The following RAET1E variants were observed in gnomAD, a reference collection of about 807,000 sequenced individuals.
The protein encoded by RAET1E is retinoic acid early transcript 1E.
Under a neutral mutation model 21.1 loss-of-function variants are expected in RAET1E, and 27 were observed. That is an observed-to-expected ratio of 1.28 (90% confidence interval 0.94 to 1.76). The LOEUF is 1.76. Ranked by LOEUF, RAET1E falls within the 40% of genes most tolerant of loss-of-function variation. The probability of loss-of-function intolerance (pLI) is 0.00; values close to 1 mark genes in which losing one functional copy is unlikely to be tolerated. For synonymous variants in RAET1E, 113 were observed against 115.0 expected (o/e 0.98, Z 0.11); for missense variants, 310 against 311.3 (o/e 1.00, Z 0.03).
Position 149,888,138 on chromosome 6 carries a change from C to T in RAET1E, c.*360G>A, listed in dbSNP as rs1342069993. On this transcript the variant is annotated 3_prime_UTR_variant, in exon 6 of 6. Transcript: ENST00000357183. ...TGTTATCTGGGAGTAAATGCTGCAGCCACAAGCGCCACCAGCAAGTCTTCT... is the reference window on the plus strand; with the variant it reads ...TGTTATCTGGGAGTAAATGCTGCAGTCACAAGCGCCACCAGCAAGTCTTCT... The T allele has an allele frequency of 3.8e-6, 2 of 530,028 alleles. No individual in the cohort carries two copies. Among genetic ancestry groups the T allele is most frequent in the South Asian group, 1.5e-5 (1 of 68,032 alleles). 32.8% of individuals were successfully genotyped at this position (530,028 alleles called of 1,614,324 possible).
At chr6:149,891,862 A>T (rs1777915469) in intron 2 of RAET1E, among the ~76,000 whole-genome samples, 1 of 152,038 alleles carries the variant, frequency 6.6e-6, no homozygotes, top group South Asian at 2.1e-4. Flanking sequence ...ATTTCTCCTA[A>T]TGTTACCCCT....
intron 5 of RAET1E, chr6:149,888,984 GAAGGTGGGGAAGGCTTCCT>G (rs1777751711): frequency 2.2e-6 from 2 of 891,178 alleles, no homozygotes; most frequent in East Asian, 6.7e-5. Context: ...TCTGTGTGGG[GAAGGTGGGGAAGGCTTCCT>G]AAGAAGTGGC....
intron 2 of RAET1E, among the ~76,000 whole-genome samples, chr6:149,891,925 G>A (rs979116489): frequency 6.6e-6 from 1 of 152,030 alleles, no homozygotes; most frequent in African/African-American, 2.4e-5. Context: ...TCCCCTCCCT[G>A]TGTCCATGTG....
In RAET1E at chr6:149,884,335, G is replaced by T; in HGVS notation, c.*4163C>A. The T allele has an allele frequency of 1.4e-6, 1 of 698,648 alleles. No individual in the cohort carries two copies. Among genetic ancestry groups the T allele is most frequent in the Non-Finnish European group, 2.4e-6 (1 of 417,344 alleles). 43.3% of individuals were successfully genotyped at this position (698,648 alleles called of 1,614,324 possible). The stretch of plus-strand genomic sequence containing the variant: ...TTTTTTTTTTTTGAGACGGAGTCTT[G>T]CTCTGTTGCCAAGACTGGAATGCAG... On this transcript the variant is annotated 3_prime_UTR_variant, in exon 6 of 6. Coordinates refer to ENST00000357183, the MANE Select transcript of RAET1E (RefSeq NM_001394057.1).
chr6:149,888,667 A>T lies in RAET1E; in HGVS notation c.623T>A (p.Val208Glu). The change falls in exon 6 of 6, where the codon GTG becomes GAG. Residue 208 changes from valine to glutamate, a missense_variant and splice_region_variant. Transcript: ENST00000357183. ...GHWEAMPEPT[V>E]SPVNASDIHW... ...GATATCTGAAGCATTTACTGGTGAC[A>T]CTAAAAAAAAAAAAAAAAAGAAAAA... 4 of 1,478,036 alleles carry T rather than the reference A, an allele frequency of 2.7e-6. No homozygotes were observed. The highest frequency in any genetic ancestry group is 3.5e-6 in the Non-Finnish European group (4 of 1,136,960). The allele number at this position is 1,478,036 out of a possible 1,614,324, so 91.6% of individuals were successfully genotyped here.
Position 149,888,547 on chromosome 6 carries a change from C to G in RAET1E, c.743G>C (p.Trp248Ser). ...LMGIVLICVW[W>S]QNGEWQAGLW... The stretch of plus-strand genomic sequence containing the variant: ...ACCAGCCTGCCACTCACCATTTTGC[C>G]ACCAGACACAGATGAGAACAATTCC... Residue 248 changes from tryptophan to serine, a missense_variant, in exon 6 of 6, where the codon TGG becomes TCG. Transcript: ENST00000357183. 3.1e-6 allele frequency: 5 copies of G among 1,613,832 alleles called. No individual in the cohort carries two copies. Among genetic ancestry groups the G allele is most frequent in the African/African-American group, 1.3e-5 (1 of 74,912 alleles).
chr6:149,896,420 A>T (rs1778115357), intron 1 of RAET1E, among the ~76,000 whole-genome samples: 1 of 152,114 alleles, frequency 6.6e-6, no homozygotes, highest in Non-Finnish European at 1.5e-5. Context: ...CATGTCCCCT[A>T]TGTGGTTCTC....
In RAET1E at chr6:149,883,567, C is replaced by T. The variant is rs1194089275; in HGVS notation, c.*4931G>A. The T allele has an allele frequency of 1.3e-5, 2 of 152,342 alleles. No individual in the cohort carries two copies. The highest frequency in any genetic ancestry group is 1.9e-4 in the East Asian group (1 of 5,168). The allele number at this position is 152,342 out of a possible 1,614,324, so 9.4% of individuals were successfully genotyped here. On this transcript the variant is annotated 3_prime_UTR_variant, in exon 6 of 6. Transcript: ENST00000357183. ...CAAAAATTAGCCGGGCGTGGTGGCT[C>T]ATGCCTGTAATCCCAGCTACTCAGG...
In RAET1E at chr6:149,889,868, C is replaced by T. The variant is rs1406404839; in HGVS notation, c.346+17G>A. ...CTTACTGCCTGCCTCTGTTTGCCCA[C>T]CCCATTCCACACTTACCACTGGTCT... On this transcript the variant is annotated intron_variant, in intron 4 of 5. Transcript: ENST00000357183. The T allele has an allele frequency of 1.2e-6, 2 of 1,609,358 alleles. No homozygotes were observed. The highest frequency in any genetic ancestry group is 1.7e-5 in the Admixed American group (1 of 59,886).
intron 5 of RAET1E, 56 bp downstream of exon 5, chr6:149,889,292 G>T (rs746900167): frequency 1.8e-5 from 29 of 1,597,898 alleles, no homozygotes; most frequent in Admixed American, 6.8e-5. Flanking sequence ...ACCCACACAG[G>T]GAAGGCTTTT....
Position 149,890,898 on chromosome 6 carries a change from G to T in RAET1E, c.4C>A (p.Arg2=). 1 of 1,607,604 alleles carries T rather than the reference G, an allele frequency of 6.2e-7. No individual in the cohort carries two copies. The change falls in exon 3 of 6, where the codon CGA becomes AGA. Residue 2 remains arginine, a synonymous_variant. Transcript: ENST00000357183. ...GGGCTAGAAGTCAGGGATATTCTTC[G>T]CATACTGTGGAGAGTAACAGGCAGG... M[R]RISLTSSPVR...
chr6:149,885,758 A>T lies in RAET1E; in HGVS notation c.*2740T>A, dbSNP rs1582758994. The stretch of plus-strand genomic sequence containing the variant: ...GTGCAGGTTCTTGTCCAAGCTCCAT[A>T]CCCAGGAGATGACCCTTACCTCCGC... On this transcript the variant is annotated 3_prime_UTR_variant, in exon 6 of 6. Coordinates refer to ENST00000357183, the MANE Select transcript of RAET1E (RefSeq NM_001394057.1). 6.6e-6 allele frequency: 1 copy of T among 152,338 alleles called. No homozygotes were observed. The highest frequency in any genetic ancestry group is 2.1e-4 in the South Asian group (1 of 4,826). The allele number at this position is 152,338 out of a possible 1,614,324, so 9.4% of individuals were successfully genotyped here. A position where few individuals can be genotyped will look rare whatever the true frequency, so the allele number is the denominator to read the frequency against.
In RAET1E at chr6:149,884,603, A is replaced by C; in HGVS notation, c.*3895T>G. ...AGGACTCAGATCCCACCTCTCTCTC[A>C]GGGAGAGATCAGCCGCTATTGTTCA... On this transcript the variant is annotated 3_prime_UTR_variant, in exon 6 of 6. Coordinates refer to ENST00000357183, the MANE Select transcript of RAET1E (RefSeq NM_001394057.1). 3 of 1,031,494 alleles carry C rather than the reference A, an allele frequency of 2.9e-6. No homozygotes were observed. The highest frequency in any genetic ancestry group is 4.3e-6 in the Non-Finnish European group (3 of 689,984). The allele number at this position is 1,031,494 out of a possible 1,614,324, so 63.9% of individuals were successfully genotyped here. A position where few individuals can be genotyped will look rare whatever the true frequency, so the allele number is the denominator to read the frequency against.
At chr6:149,895,480 T>C (rs2114597473) in intron 2 of RAET1E, 1 of 152,370 alleles carries the variant, frequency 6.6e-6, no homozygotes, top group East Asian at 1.9e-4. Context: ...AGCAGTTTTG[T>C]TTACACTGTG....
intron 2 of RAET1E, among the ~76,000 whole-genome samples, chr6:149,891,542 CAG>C (rs928773650): frequency 6.6e-5 from 10 of 151,770 alleles, no homozygotes; most frequent in African/African-American, 1.9e-4. Flanking sequence ...TCAATAAACA[CAG>C]AGTGTCTACT....
At chr6:149,894,609 G>GT (rs1321886829) in intron 2 of RAET1E, among the ~76,000 whole-genome samples, 1 of 152,012 alleles carries the variant, frequency 6.6e-6, no homozygotes, top group Non-Finnish European at 1.5e-5. Flanking sequence ...TTCTCATGCT[G>GT]TTTTTTAGCT....
intron 2 of RAET1E, among the ~76,000 whole-genome samples, chr6:149,891,465 C>T (rs895453267): frequency 6.8e-6 from 1 of 146,528 alleles, no homozygotes; most frequent in Non-Finnish European, 1.5e-5. Context: ...AGCAAGTGGT[C>T]TACCATGACA....
intron 3 of RAET1E, 84 bp downstream of exon 3, chr6:149,890,733 G>A: frequency 1.1e-6 from 1 of 905,988 alleles, no homozygotes; most frequent in Non-Finnish European, 1.8e-6. Context: ...CTTGTCTGAA[G>A]CCTGCATGAA....
At position 149,890,140 on chromosome 6, in the gene RAET1E, G is replaced by T. The variant is rs1447369458; in HGVS notation, c.91C>A (p.His31Asn). 3.7e-6 allele frequency: 6 copies of T among 1,613,960 alleles called. No homozygotes were observed. The South Asian group carries it at 6.6e-5, about 18-fold the overall frequency. The change falls in exon 4 of 6, where the codon CAC (histidine) becomes AAC (asparagine). Residue 31 changes from histidine to asparagine, a missense_variant. His to Asn is a moderately conservative substitution (Grantham distance 68, BLOSUM62 1). Transcript: ENST00000357183. ...ATAGTGAAGTTGAAGCAAAGAGAGT[G>T]ACCACCTGTGAGACAAAGATGCAGG... is the stretch of plus-strand genomic sequence containing the variant. ...LIALEIMVGG[H>N]SLCFNFTIKS...
Sources: gnomAD v4.1 joint callset for allele counts (sites outside exome capture counted in the v4.1 genomes callset) on GRCh38, gnomAD v4.1.1 for gene constraint, MANE v1.5 for transcripts, NCBI Gene and HGNC (gene_info 2026-07-23, HGNC 2026-07-21) for gene names.